The following SLC35D1 variants were observed in gnomAD, a reference collection of about 807,000 sequenced individuals.
SLC35D1 encodes nucleotide sugar transporter SLC35D1.
Under a neutral mutation model 46.7 loss-of-function variants are expected in SLC35D1, and 31 were observed. The observed-to-expected ratio is 0.66, with a 90% CI of 0.50 to 0.90. SLC35D1 has a LOEUF of 0.90. Ranked by LOEUF, SLC35D1 falls within the 40% of genes least tolerant of loss-of-function variation. The pLI is 0.00. For synonymous variants in SLC35D1, 195 were observed against 164.6 expected, an observed-to-expected ratio of 1.18 and a Z score of -1.41; for missense variants, 397 against 426.2, an observed-to-expected ratio of 0.93 and a Z score of 0.60.
At chr1:67,046,689 C>G (rs562816977) in intron 7 of SLC35D1, among the ~76,000 whole-genome samples, 1 of 152,274 alleles carries the variant, frequency 6.6e-6, no homozygotes, top group South Asian at 2.1e-4. Context: ...GATTCAAATA[C>G]TCAGCTTTCT....
chr1:67,049,655 T>A (rs1486831009), intron 6 of SLC35D1, 127 bp downstream of exon 6: 2 of 847,576 alleles, frequency 2.4e-6, no homozygotes, highest in South Asian at 1.6e-5. Flanking sequence ...TTTTCAAGAG[T>A]CTTCTAGATG....
the SLC35D1 span, among the ~76,000 whole-genome samples, chr1:66,983,978 C>G: frequency 1.3e-5 from 2 of 152,212 alleles, no homozygotes; most frequent in Non-Finnish European, 2.9e-5. Context: ...CCCGCCTTGG[C>G]CTCCCAAAGT....
chr1:67,041,012 A>G (rs1252058324), intron 8 of SLC35D1, among the ~76,000 whole-genome samples: 1 of 152,138 alleles, frequency 6.6e-6, no homozygotes, highest in Non-Finnish European at 1.5e-5. Flanking sequence ...ATAGTATGAC[A>G]CTGGACAAGT....
the SLC35D1 span, among the ~76,000 whole-genome samples, chr1:66,989,209 G>A: frequency 6.6e-6 from 1 of 152,084 alleles, no homozygotes; most frequent in South Asian, 2.1e-4. Context: ...CTATTTATTA[G>A]GTGGAGAATC....
At position 67,053,968 on chromosome 1, in the gene SLC35D1, C is replaced by G. The variant is rs1400266033; in HGVS notation, c.46G>C (p.Ala16Pro). The stretch of plus-strand genomic sequence containing the variant: ...CGGAGTGTGGAGGATTTCGCGGGGG[C>G]TTCTCCTTTAACCCGAGCATGCTGA... ...RRQHARVKGE[A>P]PAKSSTLRDE... Residue 16 changes from alanine (A) to proline (P), a missense_variant, in exon 1 of 12, where the codon GCC (alanine) becomes CCC (proline). By Grantham distance (27) the Ala-to-Pro change is conservative. Coordinates refer to ENST00000235345, the MANE Select transcript of SLC35D1 (RefSeq NM_015139.3). The G allele has an allele frequency of 2.5e-6, 4 of 1,613,458 alleles. No individual in the cohort carries two copies. Among genetic ancestry groups the G allele is most frequent in the Non-Finnish European group, 2.5e-6 (3 of 1,179,626 alleles).
In SLC35D1 at chr1:67,001,683, C is replaced by CCA. The variant is rs1667343636; in HGVS notation, c.*2655_*2656dup. On this transcript the variant is annotated 3_prime_UTR_variant, in exon 12 of 12. Transcript: ENST00000235345. ...CAAAAACCAGACTTTCTGGGAGGTG[C>CCA]CACAGTACCAGGTAAATCACCAGTA... 2 of 152,312 alleles carry CCA rather than the reference C, an allele frequency of 1.3e-5. No homozygotes were observed. Among genetic ancestry groups the CCA allele is most frequent in the South Asian group, 4.1e-4 (2 of 4,824 alleles). 9.4% of individuals were successfully genotyped at this position (152,312 alleles called of 1,614,324 possible). A position where few individuals can be genotyped will look rare whatever the true frequency, so the allele number is the denominator to read the frequency against.
At chr1:66,991,602 C>G in the SLC35D1 span, among the ~76,000 whole-genome samples, 2 of 152,204 alleles carry the variant, frequency 1.3e-5, no homozygotes, top group Non-Finnish European at 2.9e-5. Context: ...GCAGTAGATT[C>G]ATCTGATGCT....
the SLC35D1 span, among the ~76,000 whole-genome samples, chr1:66,974,813 A>G: frequency 6.6e-6 from 1 of 152,166 alleles, no homozygotes; most frequent in African/African-American, 2.4e-5. Context: ...GTTTGTTTTT[A>G]TGTCTGGAAT....
chr1:67,016,181 T>C (rs1667682058), intron 10 of SLC35D1, among the ~76,000 whole-genome samples: 1 of 152,076 alleles, frequency 6.6e-6, no homozygotes, highest in Non-Finnish European at 1.5e-5. Flanking sequence ...TTGAAATGTC[T>C]TCAGATATAT....
intron 6 of SLC35D1, among the ~76,000 whole-genome samples, chr1:67,048,757 T>C (rs1323486366): frequency 1.3e-5 from 2 of 152,272 alleles, no homozygotes; most frequent in Non-Finnish European, 2.9e-5. Flanking sequence ...AGCATCATTA[T>C]AATTTTCTAG....
chr1:66,993,468 G>A, the SLC35D1 span, among the ~76,000 whole-genome samples: 1 of 152,084 alleles, frequency 6.6e-6, no homozygotes, highest in African/African-American at 2.4e-5. Flanking sequence ...AAAGAACTGG[G>A]ACTGAATTTC....
At chr1:67,006,958 C>T (rs560207024) in intron 11 of SLC35D1, among the ~76,000 whole-genome samples, 66 of 152,226 alleles carry the variant, frequency 4.3e-4, no homozygotes, top group Admixed American at 2.4e-3. Flanking sequence ...AGCTATGTGA[C>T]CCTGGGCAAA....
At chr1:66,984,937 T>A in the SLC35D1 span, 1 of 1,528,642 alleles carries the variant, frequency 6.5e-7, no homozygotes, top group Non-Finnish European at 8.7e-7. Flanking sequence ...GAGTAAATTC[T>A]GGTGTGACTA....
chr1:67,052,708 T>C (rs1490257235), intron 3 of SLC35D1, 63 bp downstream of exon 3: 2 of 1,560,538 alleles, frequency 1.3e-6, no homozygotes, highest in African/African-American at 1.4e-5. Flanking sequence ...AAGGCACTGA[T>C]AAAATATGTT....
the SLC35D1 span, among the ~76,000 whole-genome samples, chr1:66,977,787 CTAA>C: frequency 2.0e-5 from 3 of 151,628 alleles, no homozygotes; most frequent in African/African-American, 7.3e-5. Context: ...TAATTATTCC[CTAA>C]TGTTTACAGA....
chr1:67,047,186 T>C (rs1018263101), intron 7 of SLC35D1, 79 bp downstream of exon 7: 10 of 1,155,534 alleles, frequency 8.7e-6, no homozygotes, highest in Middle Eastern at 1.9e-4. Flanking sequence ...AAGAACTTTC[T>C]TTATTCCCCA....
downstream of SLC35D1, among the ~76,000 whole-genome samples, chr1:66,996,585 A>T (rs1211351203): frequency 2.0e-5 from 3 of 152,112 alleles, no homozygotes; most frequent in African/African-American, 7.2e-5. Flanking sequence ...GCCCCAGTGA[A>T]CTCAGTCTGG....
chr1:66,981,942 T>C, the SLC35D1 span: 2 of 1,611,248 alleles, frequency 1.2e-6, no homozygotes, highest in Non-Finnish European at 1.7e-6. Flanking sequence ...GAAACATTTC[T>C]CTTTCTTCAT....
chr1:66,984,817 A>G, the SLC35D1 span: 3 of 1,613,496 alleles, frequency 1.9e-6, no homozygotes, highest in East Asian at 2.2e-5. Context: ...CAGCAATGGA[A>G]AAGAAAGTCC....
Sources: allele counts gnomAD v4.1 joint callset (sites outside exome capture counted in the v4.1 genomes callset), GRCh38; gene constraint gnomAD v4.1.1; transcripts MANE v1.5; gene names NCBI Gene and HGNC (gene_info 2026-07-23, HGNC 2026-07-21).